Variants in CATSPERT observed in about 807,000 individuals in gnomAD.
The protein encoded by CATSPERT is catsper channel auxiliary subunit tau, also known as cation channel sperm-associated targeting subunit tau.
chr2:201,617,185 CT>C, the CATSPERT span, among the ~76,000 whole-genome samples: 22 of 152,298 alleles, frequency 1.4e-4, no homozygotes, highest in African/African-American at 5.3e-4. Context: ...CAATGACTTT[CT>C]TCACAGAATT....
chr2:201,562,689 TAC>T, the CATSPERT span, among the ~76,000 whole-genome samples: 1 of 144,602 alleles, frequency 6.9e-6, no homozygotes, highest in Non-Finnish European at 1.5e-5. Context: ...TGTCCCTGGG[TAC>T]TTGAGATTAG....
the CATSPERT span, among the ~76,000 whole-genome samples, chr2:201,604,116 C>G: frequency 0.87 from 132,943 of 151,986 alleles, 59,212 homozygotes; most frequent in South Asian, 0.98. Flanking sequence ...CTAGATACTG[C>G]GTCCTCCCTC....
the CATSPERT span, chr2:201,491,822 C>T: frequency 1.3e-6 from 2 of 1,536,918 alleles, no homozygotes; most frequent in Non-Finnish European, 1.7e-6. Flanking sequence ...TTTGATTTAC[C>T]ACCCCAACTA....
the CATSPERT span, chr2:201,535,167 T>A: frequency 3.0e-6 from 3 of 984,506 alleles, no homozygotes; most frequent in Non-Finnish European, 2.4e-6. Context: ...AAATTATGTC[T>A]TTTGAAATTT....
the CATSPERT span, among the ~76,000 whole-genome samples, chr2:201,605,133 C>A: frequency 6.6e-6 from 1 of 151,764 alleles, no homozygotes; most frequent in Admixed American, 6.6e-5. Context: ...TATACATGCA[C>A]ATGCACACAC....
At chr2:201,558,148 C>T in the CATSPERT span, 179 of 152,324 alleles carry the variant, frequency 1.2e-3, no homozygotes, top group African/African-American at 3.5e-3. Context: ...ATACCTAGGA[C>T]GACTTCACTT....
chr2:201,600,940 G>T, the CATSPERT span, among the ~76,000 whole-genome samples: 3 of 152,012 alleles, frequency 2.0e-5, no homozygotes, highest in Non-Finnish European at 4.4e-5. Flanking sequence ...TTAGTAGAGA[G>T]TGTTTCACCA....
At chr2:201,606,809 G>C in the CATSPERT span, among the ~76,000 whole-genome samples, 1 of 150,862 alleles carries the variant, frequency 6.6e-6, no homozygotes, top group Admixed American at 6.6e-5. Context: ...TGAGGCAGGA[G>C]AATCCCTTCA....
the CATSPERT span, chr2:201,537,559 T>C: frequency 8.7e-7 from 1 of 1,144,512 alleles, no homozygotes; most frequent in Non-Finnish European, 1.2e-6. Context: ...TAAAATACTA[T>C]TACATTTTTT....
At chr2:201,546,357 A>G in the CATSPERT span, among the ~76,000 whole-genome samples, 1 of 152,178 alleles carries the variant, frequency 6.6e-6, no homozygotes, top group African/African-American at 2.4e-5. Flanking sequence ...GTTAGAGTAT[A>G]TTTCTAAATA....
At chr2:201,526,355 T>G in the CATSPERT span, among the ~76,000 whole-genome samples, 1 of 151,904 alleles carries the variant, frequency 6.6e-6, no homozygotes, top group Non-Finnish European at 1.5e-5. Flanking sequence ...CTGTCTCTAC[T>G]AAAAATACAA....
chr2:201,499,547 A>C, the CATSPERT span, among the ~76,000 whole-genome samples: 1 of 152,092 alleles, frequency 6.6e-6, no homozygotes, highest in African/African-American at 2.4e-5. Flanking sequence ...AAACAGATCA[A>C]GTATGACCAG....
At chr2:201,489,298 T>C in the CATSPERT span, among the ~76,000 whole-genome samples, 1 of 152,246 alleles carries the variant, frequency 6.6e-6, no homozygotes, top group African/African-American at 2.4e-5. Flanking sequence ...TTTCTTACTT[T>C]GCTTGAAAAG....
chr2:201,566,002 G>T, the CATSPERT span: 3 of 757,914 alleles, frequency 4.0e-6, no homozygotes, highest in Non-Finnish European at 5.8e-6. Context: ...GGCCATCGAA[G>T]GCTAGAGCTA....
chr2:201,534,410 T>G, the CATSPERT span: 1 of 985,036 alleles, frequency 1.0e-6, no homozygotes, highest in Non-Finnish European at 1.2e-6. Flanking sequence ...AAGTGAAAGT[T>G]GAATATTTTG....
chr2:201,493,484 G>A, the CATSPERT span: 2 of 1,537,024 alleles, frequency 1.3e-6, no homozygotes, highest in African/African-American at 2.7e-5. Context: ...CTCTTATGGT[G>A]TTCTTTATCT....
the CATSPERT span, among the ~76,000 whole-genome samples, chr2:201,562,980 T>TTCCA: frequency 6.6e-6 from 1 of 150,828 alleles, no homozygotes; most frequent in African/African-American, 2.4e-5. Flanking sequence ...CCCCTTTCTA[T>TTCCA]TCCACAAAGC....
chr2:201,500,202 C>G, the CATSPERT span, among the ~76,000 whole-genome samples: 5,454 of 152,096 alleles, frequency 0.036, 329 homozygotes, highest in African/African-American at 0.12. Context: ...TCTTAACTCT[C>G]TCTTCTGAGT....
the CATSPERT span, among the ~76,000 whole-genome samples, chr2:201,505,464 AG>A: frequency 6.6e-6 from 1 of 152,210 alleles, no homozygotes; most frequent in Non-Finnish European, 1.5e-5. Context: ...AATCTCTGAT[AG>A]GATGCACTGA....
Sources: allele counts gnomAD v4.1 joint callset (sites outside exome capture counted in the v4.1 genomes callset), GRCh38; gene constraint gnomAD v4.1.1; transcripts MANE v1.5; gene names NCBI Gene and HGNC (gene_info 2026-07-23, HGNC 2026-07-21).